GSE1: variants seen among roughly 807,000 people sequenced by gnomAD.
GSE1 encodes genetic suppressor element 1.
Under a neutral mutation model 112.6 loss-of-function variants are expected in GSE1, and 32 were observed. The observed-to-expected ratio is 0.28, with a 90% CI of 0.21 to 0.38. The LOEUF is 0.38. Ranked by LOEUF, GSE1 falls within the 10% of genes least tolerant of loss-of-function variation. The pLI is 1.00. For synonymous variants in GSE1, 1,115 were observed against 735.6 expected (o/e 1.52, Z -8.35); for missense variants, 2,348 against 1,699.2 (o/e 1.38, Z -6.71).
At chr16:85,666,696 T>A (rs1235971993) in intron 13 of GSE1, 4 of 271,746 alleles carry the variant, frequency 1.5e-5, no homozygotes, top group Non-Finnish European at 7.0e-6. Context: ...CTTGAGTGGA[T>A]TTTTACCCGC....
intron 14 of GSE1, 60 bp downstream of exon 14, chr16:85,668,484 C>T: frequency 8.3e-7 from 1 of 1,197,916 alleles, no homozygotes; most frequent in Non-Finnish European, 1.2e-6. Flanking sequence ...GGAAAGGAAG[C>T]TGAGTGATGA....
At chr16:85,215,261 T>A (rs780279010) in intron 1 of GSE1, among the ~76,000 whole-genome samples, 1 of 152,146 alleles carries the variant, frequency 6.6e-6, no homozygotes, top group African/African-American at 2.4e-5. Flanking sequence ...AGGTGCGAAA[T>A]AATATCTGCC....
chr16:85,335,063 T>C (rs1310280579), intron 1 of GSE1, among the ~76,000 whole-genome samples: 4 of 152,212 alleles, frequency 2.6e-5, no homozygotes, highest in Non-Finnish European at 5.9e-5. Context: ...ACCTGACCCT[T>C]GTTTGAGTTT....
chr16:85,454,896 T>A lies in GSE1; in HGVS notation c.2464+97253T>A, dbSNP rs530542592. Among the ~76,000 whole-genome samples, 7 of 152,244 alleles carry A rather than the reference T, an allele frequency of 4.6e-5. No individual in the cohort carries two copies. The South Asian group carries it at 1.5e-3, about 32-fold the overall frequency. ...TCTCAGGAGCCTTAAGTTAATCACA[T>A]CTGCAAAGCCCCTGCCTCCAAATAA... is the stretch of plus-strand genomic sequence containing the variant. On this transcript the variant is annotated intron_variant, in intron 2 of 2. Coordinates refer to the GSE1 transcript ENST00000637419.
intron 1 of GSE1, among the ~76,000 whole-genome samples, chr16:85,236,858 G>T (rs1055811483): frequency 1.3e-5 from 2 of 152,102 alleles, no homozygotes; most frequent in Non-Finnish European, 2.9e-5. Context: ...CCTCTGCCTG[G>T]CTCCCCCCGA....
chr16:85,584,518 G>A (rs2046598847), intron 1 of GSE1, among the ~76,000 whole-genome samples: 1 of 152,244 alleles, frequency 6.6e-6, no homozygotes, highest in African/African-American at 2.4e-5. Context: ...GGGAGATCCA[G>A]GATGCTGCTT....
At chr16:85,368,062 C>T (rs905363347) in intron 2 of GSE1, among the ~76,000 whole-genome samples, 3 of 152,066 alleles carry the variant, frequency 2.0e-5, no homozygotes, top group South Asian at 2.1e-4. Context: ...CCATGTTGGT[C>T]GGGCTGGTCT....
intron 2 of GSE1, among the ~76,000 whole-genome samples, chr16:85,458,065 C>G (rs1597813565): frequency 6.6e-6 from 1 of 152,176 alleles, no homozygotes; most frequent in African/African-American, 2.4e-5. Context: ...TAGTGAGGTG[C>G]TCAGGTGTGA....
intron 2 of GSE1, among the ~76,000 whole-genome samples, chr16:85,381,827 C>T (rs2047551822): frequency 6.6e-6 from 1 of 152,224 alleles, no homozygotes; most frequent in African/African-American, 2.4e-5. Context: ...CATCTGTTCA[C>T]AGAAATGTCA....
At chr16:85,507,191 C>T (rs1202983441) in intron 2 of GSE1, among the ~76,000 whole-genome samples, 1 of 152,244 alleles carries the variant, frequency 6.6e-6, no homozygotes, top group African/African-American at 2.4e-5. Flanking sequence ...GTTTCCTATC[C>T]ATGTATTCAT....
At chr16:85,602,748 G>C (rs1479131482) in intron 1 of GSE1, among the ~76,000 whole-genome samples, 6 of 152,318 alleles carry the variant, frequency 3.9e-5, no homozygotes, top group Non-Finnish European at 7.3e-5. Context: ...GTTCCTCCCG[G>C]GCTTTTGAGT....
At chr16:85,670,451 C>G (rs1295826368) in intron 14 of GSE1, among the ~76,000 whole-genome samples, 1 of 151,792 alleles carries the variant, frequency 6.6e-6, no homozygotes, top group African/African-American at 2.4e-5. Flanking sequence ...AATGTATGTT[C>G]GTTAGTATTA....
chr16:85,422,441 A>C (rs939084562), intron 2 of GSE1, among the ~76,000 whole-genome samples: 1 of 151,904 alleles, frequency 6.6e-6, no homozygotes, highest in Non-Finnish European at 1.5e-5. Context: ...GGTGGATGGG[A>C]GAAGCCTGGG....
chr16:85,465,971 G>C (rs561642240), intron 2 of GSE1, among the ~76,000 whole-genome samples: 82 of 152,220 alleles, frequency 5.4e-4, no homozygotes, highest in Non-Finnish European at 8.2e-4. Context: ...TCTGTACTTT[G>C]GGATGCCTTA....
upstream of GSE1, among the ~76,000 whole-genome samples, chr16:85,608,613 C>T (rs979062453): frequency 6.6e-6 from 1 of 152,172 alleles, no homozygotes; most frequent in African/African-American, 2.4e-5. Flanking sequence ...GTAAGAGCCA[C>T]GTCTGGATGA....
intron 1 of GSE1, among the ~76,000 whole-genome samples, chr16:85,325,842 C>T (rs527472769): frequency 2.0e-5 from 3 of 152,074 alleles, no homozygotes; most frequent in South Asian, 4.2e-4. Context: ...CTGCAACCTC[C>T]GCCTCCAGGG....
At chr16:85,668,648 C>T (rs1397126700) in intron 14 of GSE1, among the ~76,000 whole-genome samples, 2 of 152,180 alleles carry the variant, frequency 1.3e-5, no homozygotes, top group African/African-American at 2.4e-5. Context: ...TACCATGATG[C>T]CAGCTCTGGT....
intron 13 of GSE1, 129 bp from the exon 14 acceptor site, chr16:85,668,011 G>A (rs2053018037): frequency 1.4e-6 from 1 of 702,444 alleles, no homozygotes; most frequent in Non-Finnish European, 2.4e-6. Context: ...TCTACGCGAT[G>A]TCATCTTGGT....
rs1388151105 is a variant in GSE1 at position 85,675,400 on chromosome 16, G to A, written c.*2861G>A. On this transcript the variant is annotated 3_prime_UTR_variant, in exon 16 of 16. Transcript: ENST00000253458. Reference sequence around the variant, plus strand: ...CATATAGTCAGAGTCAGACTGACATGATAAAATATCATGTTCCTAATCTGT... The same window carrying A: ...CATATAGTCAGAGTCAGACTGACATAATAAAATATCATGTTCCTAATCTGT... 2 of 152,222 alleles carry A rather than the reference G, an allele frequency of 1.3e-5. No homozygotes were observed. Among genetic ancestry groups the A allele is most frequent in the East Asian group, 3.8e-4 (2 of 5,196 alleles). The allele number at this position is 152,222 out of a possible 1,614,324, so 9.4% of individuals were successfully genotyped here. A position where few individuals can be genotyped will look rare whatever the true frequency, so the allele number is the denominator to read the frequency against.
Sources: gnomAD v4.1 joint callset for allele counts (sites outside exome capture counted in the v4.1 genomes callset) on GRCh38, gnomAD v4.1.1 for gene constraint, MANE v1.5 for transcripts, NCBI Gene and HGNC (gene_info 2026-07-23, HGNC 2026-07-21) for gene names.